Variants in CRLF3 observed in about 807,000 individuals in gnomAD.
CRLF3 encodes the protein cytokine receptor-like factor 3.
CRLF3 carries 33 observed loss-of-function variants against 55.0 expected under a neutral mutation model. That is an observed-to-expected ratio of 0.60 (90% confidence interval 0.46 to 0.80). The LOEUF is 0.80. Among genes scored for constraint, CRLF3 ranks in the 30% least tolerant of loss-of-function variants. CRLF3 has a pLI of 0.00. For synonymous variants in CRLF3, 238 were observed against 196.8 expected, an observed-to-expected ratio of 1.21 and a Z score of -1.75; for missense variants, 494 against 538.4, an observed-to-expected ratio of 0.92 and a Z score of 0.82.
Position 30,793,252 on chromosome 17 carries a change from A to ATTT in CRLF3, c.826+195_826+197dup, listed in dbSNP as rs58658760. ...AATGAGGCTAAAAATCTTGTCCAGC[A>ATTT]TTTTTTTTGGACTCTGAAGAACTGA... On this transcript the variant is annotated intron_variant, in intron 5 of 7. Transcript: ENST00000324238. Among the ~76,000 whole-genome samples the ATTT allele has an allele frequency of 8.8e-3, 1,331 of 151,910 alleles. 19 individuals are homozygous for ATTT. The highest frequency in any genetic ancestry group is 0.03 in the African/African-American group (1,253 of 41,408).
chr17:30,813,692 T>C (rs1904694505), intron 1 of CRLF3, among the ~76,000 whole-genome samples: 1 of 152,064 alleles, frequency 6.6e-6, no homozygotes, highest in Non-Finnish European at 1.5e-5. Flanking sequence ...CATGTTGGTA[T>C]GCTGCCCCTA....
In CRLF3 at chr17:30,785,933, C is replaced by G; in HGVS notation, c.1058G>C (p.Cys353Ser). Residue 353 changes from cysteine to serine, a missense_variant, in exon 7 of 8, where the codon TGC (cysteine) becomes TCC (serine). Cys to Ser is a moderately radical substitution (Grantham distance 112). Coordinates refer to ENST00000324238, the MANE Select transcript of CRLF3 (RefSeq NM_015986.4). ...TTATCTCTTACCATTTGTACTAATG[C>G]ACACAGCTTGATCCCGCTGCAGAGA... Reference protein sequence around the residue: ...YDSLQRDQAVCISTNGAVFVN... With the variant: ...YDSLQRDQAVSISTNGAVFVN... The G allele has an allele frequency of 6.3e-7, 1 of 1,583,388 alleles. No homozygotes were observed. The highest frequency in any genetic ancestry group is 8.7e-7 in the Non-Finnish European group (1 of 1,152,720).
intron 7 of CRLF3, 140 bp downstream of exon 7, chr17:30,785,779 A>G: frequency 1.8e-6 from 1 of 561,840 alleles, no homozygotes; most frequent in East Asian, 3.1e-5. Context: ...GAGACTTCAT[A>G]ATAAAAAAAA....
At position 30,796,314 on chromosome 17, in the gene CRLF3, A is replaced by C; in HGVS notation, c.449T>G (p.Val150Gly). ...LDSLPEVPLL[V>G]DVPCLSAQLD... ...CTGAGCAGATAAACAAGGCACATCAACCAGTAAAGGTACTTCTGGTAAGCT... is the reference window on the plus strand; with the variant it reads ...CTGAGCAGATAAACAAGGCACATCACCCAGTAAAGGTACTTCTGGTAAGCT... Residue 150 changes from valine (V) to glycine (G), a missense_variant, in exon 4 of 8, where the codon GTT becomes GGT. By Grantham distance (109) the Val-to-Gly change is moderately radical. Transcript: ENST00000324238. 6.2e-7 allele frequency: 1 copy of C among 1,613,800 alleles called. No homozygotes were observed. Among genetic ancestry groups the C allele is most frequent in the East Asian group, 2.2e-5 (1 of 44,856 alleles).
chr17:30,808,794 C>T (rs937820569), intron 1 of CRLF3, among the ~76,000 whole-genome samples: 1 of 151,830 alleles, frequency 6.6e-6, no homozygotes, highest in Non-Finnish European at 1.5e-5. Context: ...GGGGTTTCAC[C>T]ATTTTGGCCA....
At chr17:30,821,767 G>T (rs1320392238) in intron 1 of CRLF3, among the ~76,000 whole-genome samples, 1 of 152,084 alleles carries the variant, frequency 6.6e-6, no homozygotes, top group Non-Finnish European at 1.5e-5. Context: ...TTGCCAGGGG[G>T]TATGGGAGTG....
chr17:30,793,987 C>T (rs1971864670), intron 4 of CRLF3, among the ~76,000 whole-genome samples: 1 of 152,028 alleles, frequency 6.6e-6, no homozygotes, highest in East Asian at 1.9e-4. Flanking sequence ...TTCAGGTGCA[C>T]ACCACCATGT....
chr17:30,803,215 G>A (rs1192231707), intron 2 of CRLF3, among the ~76,000 whole-genome samples: 2 of 151,658 alleles, frequency 1.3e-5, no homozygotes, highest in Non-Finnish European at 2.9e-5. Context: ...TAACACAGAA[G>A]ATAAATGCTT....
Position 30,822,660 on chromosome 17 carries a change from G to T in CRLF3, c.129+1863C>A, listed in dbSNP as rs140928035. 9.5e-4 allele frequency among the ~76,000 whole-genome samples: 145 copies of T among 152,054 alleles called. No individual in the cohort carries two copies. In the East Asian group the frequency reaches 0.025, roughly 26 times the overall value. On this transcript the variant is annotated intron_variant, in intron 1 of 7. Coordinates refer to ENST00000324238, the MANE Select transcript of CRLF3 (RefSeq NM_015986.4). ...TTGAAAAAATACAGGTTTGAAAATT[G>T]AATACTGAACCATCTAGGGTGTAAT...
chr17:30,819,931 C>T (rs1904937375), intron 1 of CRLF3, among the ~76,000 whole-genome samples: 1 of 152,180 alleles, frequency 6.6e-6, no homozygotes, highest in Non-Finnish European at 1.5e-5. Flanking sequence ...AGAAGTTTCT[C>T]AGCCCTACAG....
At chr17:30,789,570 G>A (rs755468356) in intron 6 of CRLF3, among the ~76,000 whole-genome samples, 6 of 152,098 alleles carry the variant, frequency 3.9e-5, no homozygotes, top group East Asian at 1.9e-4. Context: ...GTCTGGAGTC[G>A]AACTGCCTGG....
chr17:30,793,160 C>T (rs1971849191), intron 5 of CRLF3, among the ~76,000 whole-genome samples: 1 of 151,546 alleles, frequency 6.6e-6, no homozygotes, highest in Admixed American at 6.6e-5. Flanking sequence ...AAATAACATT[C>T]AAATATAAAA....
rs772073977 is a variant in CRLF3, at chr17:30,824,659, C to A, written c.-8G>T. ...CTCCATCGCCCCCCTCATCTGGCCG[C>A]GCGGCCGGCGAAACCTAGCGCGGGT... On this transcript the variant is annotated 5_prime_UTR_variant, in exon 1 of 8. Transcript: ENST00000324238. 1.4e-5 allele frequency: 23 copies of A among 1,586,422 alleles called. No homozygotes were observed. The highest frequency in any genetic ancestry group is 1.9e-5 in the Non-Finnish European group (22 of 1,172,324).
At chr17:30,795,214 C>T (rs1277889214) in intron 4 of CRLF3, among the ~76,000 whole-genome samples, 1 of 152,180 alleles carries the variant, frequency 6.6e-6, no homozygotes, top group African/African-American at 2.4e-5. Flanking sequence ...GGCACAGTGG[C>T]TCACACCTGT....
rs554716980 is a variant in CRLF3 at position 30,784,213 on chromosome 17, G to C, written c.1303C>G (p.Pro435Ala). The C allele has an allele frequency of 1.9e-6, 3 of 1,613,892 alleles. No individual in the cohort carries two copies. Among genetic ancestry groups the C allele is most frequent in the East Asian group, 2.2e-5 (1 of 44,882 alleles). The part of the protein sequence containing the change: ...SLYFGCSFFY[P>A]GWKVLVF ...TAAAACACTAACACTTTCCATCCAG[G>C]ATAGAAAAATGAGCATCCAAAGTAA... Residue 435 changes from proline to alanine, a missense_variant, in exon 8 of 8, where the codon CCT becomes GCT. Pro to Ala is a conservative substitution (Grantham distance 27). Transcript: ENST00000324238.
chr17:30,808,087 C>T (rs1183541908), intron 1 of CRLF3, among the ~76,000 whole-genome samples: 2 of 152,042 alleles, frequency 1.3e-5, no homozygotes, highest in South Asian at 4.1e-4. Flanking sequence ...TAAACAAATG[C>T]TGTTGAGTGA....
At chr17:30,817,742 C>A (rs1242709086) in intron 1 of CRLF3, among the ~76,000 whole-genome samples, 3 of 150,508 alleles carry the variant, frequency 2.0e-5, no homozygotes, top group Non-Finnish European at 4.4e-5. Context: ...CCCATCTCTA[C>A]TAAAAATACA....
In CRLF3 at chr17:30,802,884, T is replaced by G. The variant is rs117552137; in HGVS notation, c.337+1017A>C. 1.4e-4 allele frequency among the ~76,000 whole-genome samples: 21 copies of G among 152,114 alleles called. 1 individual carries two copies. In the East Asian group the frequency reaches 3.9e-3, roughly 28 times the overall value. ...ACTTTCTAAATAAAACAATGGAGAC[T>G]GTAATTGTGGTGGCTTTTGCCTGTA... On this transcript the variant is annotated intron_variant, in intron 2 of 7. Coordinates refer to ENST00000324238, the MANE Select transcript of CRLF3 (RefSeq NM_015986.4).
At chr17:30,796,507 A>T (rs747197416) in intron 3 of CRLF3, among the ~76,000 whole-genome samples, 170 bp from the exon 4 acceptor site, 40 of 152,284 alleles carry the variant, frequency 2.6e-4, no homozygotes, top group Non-Finnish European at 5.7e-4. Context: ...TTTCAAATAA[A>T]TATAAGTAAG....
Sources: allele counts gnomAD v4.1 joint callset (sites outside exome capture counted in the v4.1 genomes callset), GRCh38; gene constraint gnomAD v4.1.1; transcripts MANE v1.5; gene names NCBI Gene and HGNC (gene_info 2026-07-23, HGNC 2026-07-21).